Variants in ERC2 observed in about 807,000 individuals in gnomAD.
ERC2 encodes ERC protein 2.
A neutral mutation model predicts 114.8 loss-of-function variants in ERC2; 42 were observed. The ratio of observed to expected loss-of-function variants is 0.37; its 90% CI spans 0.29 to 0.47. ERC2 has a LOEUF of 0.47. Ranked by LOEUF, ERC2 falls within the 20% of genes least tolerant of loss-of-function variation. The probability of loss-of-function intolerance (pLI) is 0.99; values close to 1 mark genes in which losing one functional copy is unlikely to be tolerated. For synonymous variants in ERC2, 454 were observed against 425.5 expected, an observed-to-expected ratio of 1.07 and a Z score of -0.82; for missense variants, 939 against 1,150.7, an observed-to-expected ratio of 0.82 and a Z score of 2.66.
chr3:55,633,912 G>T (rs889108958), intron 17 of ERC2, among the ~76,000 whole-genome samples: 4 of 152,160 alleles, frequency 2.6e-5, no homozygotes, highest in African/African-American at 9.7e-5. Flanking sequence ...GGGAGTCAAG[G>T]GTCCCGGGTG....
intron 17 of ERC2, among the ~76,000 whole-genome samples, chr3:55,599,890 AC>A (rs1188048844): frequency 1.3e-5 from 2 of 152,206 alleles, no homozygotes; most frequent in African/African-American, 4.8e-5. Context: ...CCAGGAACTA[AC>A]AACATAACCT....
chr3:56,141,076 TCACAAG>T (rs2080827809), intron 5 of ERC2, among the ~76,000 whole-genome samples: 1 of 152,116 alleles, frequency 6.6e-6, no homozygotes, highest in Non-Finnish European at 1.5e-5. Flanking sequence ...ATTTACATGA[TCACAAG>T]CACCTTGCAA....
chr3:56,047,071 C>T (rs956287266), intron 7 of ERC2, among the ~76,000 whole-genome samples: 1 of 152,178 alleles, frequency 6.6e-6, no homozygotes, highest in Non-Finnish European at 1.5e-5. Flanking sequence ...AATTCAGGGT[C>T]CCTTAAACTT....
chr3:56,405,068 A>G (rs2060662041), intron 2 of ERC2, among the ~76,000 whole-genome samples: 1 of 152,178 alleles, frequency 6.6e-6, no homozygotes, highest in South Asian at 2.1e-4. Context: ...GACTTTGGCC[A>G]AAGTAAAGGA....
In ERC2 at chr3:55,707,625, C is replaced by T. The variant is rs766795885; in HGVS notation, c.2713-8113G>A. Among the ~76,000 whole-genome samples, 6 of 152,070 alleles carry T rather than the reference C, an allele frequency of 3.9e-5. No homozygotes were observed. In the South Asian group the frequency reaches 8.3e-4, roughly 21 times the overall value. On this transcript the variant is annotated intron_variant, in intron 15 of 17. Coordinates refer to ENST00000288221, the MANE Select transcript of ERC2 (RefSeq NM_015576.3). ...CTGCTCATAATGTTAGGATCCTAAC[C>T]GACATTGTGAGATGGAGCCTCCTGT...
At chr3:55,514,729 G>A (rs2107151196) in intron 17 of ERC2, among the ~76,000 whole-genome samples, 1 of 152,338 alleles carries the variant, frequency 6.6e-6, no homozygotes, top group East Asian at 1.9e-4. Context: ...GAAGGAGCTT[G>A]AAGGTGGATG....
intron 6 of ERC2, among the ~76,000 whole-genome samples, chr3:56,090,824 T>C (rs541726116): frequency 6.6e-6 from 1 of 151,920 alleles, no homozygotes; most frequent in South Asian, 2.1e-4. Context: ...TCTAGCTTTG[T>C]CCACTGTAGA....
At chr3:55,511,372 A>G (rs1575424400) in intron 17 of ERC2, 96 bp from the exon 18 acceptor site, 1 of 151,734 alleles carries the variant, frequency 6.6e-6, no homozygotes, top group South Asian at 2.1e-4. Context: ...CACCCCTACA[A>G]CAGCCTCTCC....
intron 17 of ERC2, among the ~76,000 whole-genome samples, chr3:55,531,425 T>G (rs1267761592): frequency 6.6e-6 from 1 of 152,064 alleles, no homozygotes; most frequent in Non-Finnish European, 1.5e-5. Flanking sequence ...AAGCCACCCC[T>G]CCCTTGCCCC....
At chr3:55,919,646 G>C (rs2065300162) in intron 13 of ERC2, among the ~76,000 whole-genome samples, 1 of 152,138 alleles carries the variant, frequency 6.6e-6, no homozygotes, top group African/African-American at 2.4e-5. Context: ...AAGAAAATAA[G>C]TAAAATGTGT....
At chr3:55,828,045 G>A (rs747964919) in intron 14 of ERC2, among the ~76,000 whole-genome samples, 9 of 152,228 alleles carry the variant, frequency 5.9e-5, no homozygotes, top group Admixed American at 3.9e-4. Context: ...AGTCACTGTC[G>A]TGCTACCAAC....
At chr3:55,644,658 G>A (rs2060317825) in intron 17 of ERC2, among the ~76,000 whole-genome samples, 1 of 151,938 alleles carries the variant, frequency 6.6e-6, no homozygotes, top group African/African-American at 2.4e-5. Context: ...GAGTGTGTAT[G>A]TATATATGAT....
intron 2 of ERC2, among the ~76,000 whole-genome samples, chr3:56,427,528 T>C (rs935588668): frequency 6.6e-6 from 1 of 152,164 alleles, no homozygotes; most frequent in Non-Finnish European, 1.5e-5. Context: ...CTCAAAAAAA[T>C]ACCAGTACCT....
intron 16 of ERC2, among the ~76,000 whole-genome samples, chr3:55,691,380 G>GGA (rs998511360): frequency 2.0e-5 from 3 of 151,498 alleles, no homozygotes; most frequent in Non-Finnish European, 1.5e-5. Flanking sequence ...GACTGGCCCA[G>GGA]GAGTGGCAAC....
At chr3:56,225,443 C>T (rs566672806) in intron 3 of ERC2, among the ~76,000 whole-genome samples, 1 of 152,252 alleles carries the variant, frequency 6.6e-6, no homozygotes, top group East Asian at 1.9e-4. Flanking sequence ...CCACAAAATA[C>T]CAAACACTTC....
At chr3:56,253,384 CTTACT>C (rs2052310214) in intron 3 of ERC2, among the ~76,000 whole-genome samples, 1 of 152,044 alleles carries the variant, frequency 6.6e-6, no homozygotes, top group African/African-American at 2.4e-5. Context: ...TTTAAGAAAA[CTTACT>C]TTTCTTTTTC....
rs1366436467 is a variant in ERC2, at chr3:55,607,614, G to T, written c.*39+76180C>A. 1.4e-3 allele frequency among the ~76,000 whole-genome samples: 185 copies of T among 132,280 alleles called. No homozygotes were observed. In the East Asian group the frequency reaches 0.026, roughly 18 times the overall value. 86.8% of individuals were successfully genotyped at this position (132,280 alleles called of 152,430 possible). On this transcript the variant is annotated intron_variant, in intron 17 of 17. Coordinates refer to ENST00000288221, the MANE Select transcript of ERC2 (RefSeq NM_015576.3). ...AACTAAAGAACTTAGAAAATAGTGT[G>T]TTTTTTTTTTTTTTTTCTATAAGAA...
chr3:56,323,935 A>G (rs2057242001), intron 2 of ERC2, among the ~76,000 whole-genome samples: 1 of 152,182 alleles, frequency 6.6e-6, no homozygotes, highest in Non-Finnish European at 1.5e-5. Context: ...ATGAGATTAG[A>G]GTAGAAAAAA....
chr3:56,227,753 A>G (rs774782304), intron 3 of ERC2, among the ~76,000 whole-genome samples: 2 of 152,212 alleles, frequency 1.3e-5, no homozygotes, highest in Non-Finnish European at 2.9e-5. Flanking sequence ...AGTATCTACC[A>G]AACTACTTTG....
Sources: allele counts gnomAD v4.1 joint callset (sites outside exome capture counted in the v4.1 genomes callset), GRCh38; gene constraint gnomAD v4.1.1; transcripts MANE v1.5; gene names NCBI Gene and HGNC (gene_info 2026-07-23, HGNC 2026-07-21).